DGKK: variants seen among roughly 807,000 people sequenced by gnomAD.
DGKK encodes diacylglycerol kinase kappa.
Under a neutral mutation model 92.2 loss-of-function variants are expected in DGKK, and 35 were observed. The ratio of observed to expected loss-of-function variants is 0.38; its 90% CI spans 0.29 to 0.50. The LOEUF is 0.50. Among genes scored for constraint, DGKK ranks in the 20% least tolerant of loss-of-function variants. The pLI is 0.92. For synonymous variants in DGKK, 368 were observed against 360.6 expected, an observed-to-expected ratio of 1.02 and a Z score of -0.23; for missense variants, 910 against 992.2, an observed-to-expected ratio of 0.92 and a Z score of 1.11.
intron 4 of DGKK, among the ~76,000 whole-genome samples, chrX:50,411,769 A>G (rs929518051): frequency 8.9e-6 from 1 of 111,979 alleles, no homozygotes; most frequent in Non-Finnish European, 1.9e-5. Context: ...ATAGAAAAGA[A>G]ACAAGTGAAA....
chrX:50,425,824 T>C (rs73213618), intron 1 of DGKK, among the ~76,000 whole-genome samples: 2,819 of 111,799 alleles, frequency 0.025, 47 homozygotes, highest in Non-Finnish European at 0.041. Flanking sequence ...TAAGAAATTA[T>C]ATTTAAATTG....
intron 22 of DGKK, 39 bp from the exon 23 acceptor site, chrX:50,376,957 T>C (rs781874382): frequency 8.8e-7 from 1 of 1,137,355 alleles, no homozygotes; most frequent in Admixed American, 2.4e-5. Flanking sequence ...ATGATTGCTG[T>C]AGCTACTAGT....
chrX:50,411,208 T>C (rs1925295783), intron 4 of DGKK, among the ~76,000 whole-genome samples: 1 of 111,331 alleles, frequency 9.0e-6, no homozygotes. Context: ...AGAGAGGTGA[T>C]CCAATAAATT....
In DGKK at chrX:50,470,438, G is replaced by A. The variant is rs782403425; in HGVS notation, c.241C>T (p.Pro81Ser). ...SESATELYTE[P>S]TPEPATEPAS... The stretch of plus-strand genomic sequence containing the variant: ...GGCTCTGTGGCTGGTTCTGGGGTCG[G>A]TTCTGTGTACAGTTCTGTGGCTGAT... The change falls in exon 1 of 28, where the codon CCG (proline) becomes TCG (serine). Residue 81 changes from proline to serine, a missense_variant. By Grantham distance (74) the Pro-to-Ser change is moderately conservative. Coordinates refer to ENST00000611977, the MANE Select transcript of DGKK (RefSeq NM_001013742.4). The A allele has an allele frequency of 1.4e-5, 17 of 1,211,142 alleles. No homozygotes were observed. The highest frequency in any genetic ancestry group is 4.3e-5 in the Admixed American group (2 of 46,029).
chrX:50,408,895 G>GCTTTTGAAGAGGTT (rs1602282902), intron 4 of DGKK, among the ~76,000 whole-genome samples: 1 of 111,623 alleles, frequency 9.0e-6, no homozygotes. Context: ...ATGTGCTATG[G>GCTTTTGAAGAGGTT]CTTTTGAAGA....
Position 50,394,925 on chromosome X carries a change from G to T in DGKK, c.1412-1590C>A, listed in dbSNP as rs181602631. ...GAGCAATGCAGGGAAGAGTGTTTTG[G>T]GGGTAGGAAGAAGAATAAGTGCCAG... On this transcript the variant is annotated intron_variant, in intron 8 of 27. Transcript: ENST00000611977. 1.4e-3 allele frequency among the ~76,000 whole-genome samples: 154 copies of T among 110,601 alleles called. 1 individual carries two copies. Among genetic ancestry groups the T allele is most frequent in the Non-Finnish European group, 2.5e-3 (130 of 52,853 alleles).
intron 17 of DGKK, 102 bp from the exon 18 acceptor site, chrX:50,382,705 A>G: frequency 1.7e-6 from 1 of 597,664 alleles, no homozygotes. Context: ...CCAGTGAGGG[A>G]AGGCCCCCTC....
intron 1 of DGKK, among the ~76,000 whole-genome samples, chrX:50,459,905 T>C: frequency 8.9e-6 from 1 of 112,286 alleles, no homozygotes; most frequent in Non-Finnish European, 1.9e-5. Context: ...TCATTTACTG[T>C]CCTCTTTATT....
intron 1 of DGKK, among the ~76,000 whole-genome samples, chrX:50,447,195 A>AAT (rs60131544): frequency 0.073 from 6,775 of 92,604 alleles, 748 homozygotes; most frequent in African/African-American, 0.25. Flanking sequence ...GTATATATAT[A>AAT]ATATATATAT....
At chrX:50,382,420 G>A (rs1269125429) in intron 18 of DGKK, 76 bp downstream of exon 18, 1 of 714,729 alleles carries the variant, frequency 1.4e-6, no homozygotes, top group African/African-American at 2.2e-5. Flanking sequence ...TTGTCTGAGA[G>A]GTAGAGAATG....
rs539625888 is a variant in DGKK at position 50,381,875 on chromosome X, C to G, written c.2657+621G>C. 4.5e-5 allele frequency among the ~76,000 whole-genome samples: 5 copies of G among 111,516 alleles called. No individual in the cohort carries two copies. The South Asian group carries it at 1.9e-3, about 43-fold the overall frequency. On this transcript the variant is annotated intron_variant, in intron 18 of 27. Coordinates refer to ENST00000611977, the MANE Select transcript of DGKK (RefSeq NM_001013742.4). ...TCTGACAAAGTTCCTGTTTCTCAGC[C>G]CAGGCCTGCTTTGAGAAAGAGGTTC...
chrX:50,384,876 G>A, intron 15 of DGKK, 52 bp from the exon 16 acceptor site: 1 of 944,985 alleles, frequency 1.1e-6, no homozygotes, highest in Non-Finnish European at 1.5e-6. Flanking sequence ...AGGAAGGGAG[G>A]GAGGAAGAAA....
chrX:50,373,609 T>C (rs782502459), intron 25 of DGKK, among the ~76,000 whole-genome samples: 77 of 112,618 alleles, frequency 6.8e-4, no homozygotes, highest in Middle Eastern at 4.2e-3. Context: ...GGCTCAGATG[T>C]TGGGACAGTC....
intron 1 of DGKK, among the ~76,000 whole-genome samples, chrX:50,457,633 C>T (rs1557232984): frequency 9.0e-6 from 1 of 111,603 alleles, no homozygotes; most frequent in African/African-American, 3.3e-5. Context: ...GTAGAATTAG[C>T]TCTTTTATGT....
At chrX:50,391,099 TTTG>T (rs1386753252) in intron 11 of DGKK, among the ~76,000 whole-genome samples, 1 of 111,386 alleles carries the variant, frequency 9.0e-6, no homozygotes, top group Non-Finnish European at 1.9e-5. Flanking sequence ...TTTTGGTGTT[TTTG>T]TTGTTGTTGT....
At chrX:50,426,694 A>C (rs1453118531) in intron 1 of DGKK, among the ~76,000 whole-genome samples, 3 of 111,855 alleles carry the variant, frequency 2.7e-5, no homozygotes, top group African/African-American at 9.8e-5. Flanking sequence ...CATAATTAAT[A>C]CAAATCTGAA....
At chrX:50,449,222 C>T (rs781874862) in intron 1 of DGKK, among the ~76,000 whole-genome samples, 15 of 111,406 alleles carry the variant, frequency 1.3e-4, no homozygotes, top group Admixed American at 1.0e-3. Flanking sequence ...GGGGAGATAG[C>T]GGAAGTAACA....
At chrX:50,434,927 C>T (rs782646948) in intron 1 of DGKK, among the ~76,000 whole-genome samples, 18 of 111,677 alleles carry the variant, frequency 1.6e-4, no homozygotes, top group African/African-American at 4.6e-4. Context: ...GTCATTAGGC[C>T]ATTTCATCAT....
chrX:50,369,089 C>G (rs890660877), intron 27 of DGKK, 70 bp from the exon 28 acceptor site: 4 of 836,631 alleles, frequency 4.8e-6, no homozygotes, highest in Non-Finnish European at 6.9e-6. Flanking sequence ...GTATGTGGAC[C>G]CAAAAGAGAG....
Sources: gnomAD v4.1 joint callset for allele counts (sites outside exome capture counted in the v4.1 genomes callset) on GRCh38, gnomAD v4.1.1 for gene constraint, MANE v1.5 for transcripts, NCBI Gene and HGNC (gene_info 2026-07-23, HGNC 2026-07-21) for gene names.